Variants in PLEKHA3 observed in about 807,000 individuals in gnomAD.
PLEKHA3 encodes pleckstrin homology domain containing A3, also known as pleckstrin homology domain-containing family A member 3.
A neutral mutation model predicts 39.2 loss-of-function variants in PLEKHA3; 19 were observed. The ratio of observed to expected loss-of-function variants is 0.48; its 90% CI spans 0.34 to 0.71. The LOEUF (loss-of-function observed/expected upper bound fraction) is 0.71. PLEKHA3 is among the 30% of genes least tolerant of loss of function. PLEKHA3 has a pLI of 0.01. For synonymous variants in PLEKHA3, 97 were observed against 118.6 expected (o/e 0.82, Z 1.18); for missense variants, 253 against 359.5 (o/e 0.70, Z 2.40).
chr2:178,503,643 T>G, intron 7 of PLEKHA3, 117 bp from the exon 8 acceptor site: 1 of 1,089,556 alleles, frequency 9.2e-7, no homozygotes, highest in Non-Finnish European at 1.3e-6. Context: ...AAATACAAAA[T>G]TAGCCAGAAG....
At position 178,503,912 on chromosome 2, in the gene PLEKHA3, C is replaced by CT. The variant is rs1046998638; in HGVS notation, c.*26dup. The CT allele has an allele frequency of 2.5e-6, 4 of 1,608,408 alleles. No individual in the cohort carries two copies. The highest frequency in any genetic ancestry group is 2.6e-6 in the Non-Finnish European group (3 of 1,176,224). ...AAGAAACTGAAGTGTCCAACTTCCT[C>CT]TAAGTATTGCTATGCAAAAGCTGCT... On this transcript the variant is annotated 3_prime_UTR_variant, in exon 8 of 8. Transcript: ENST00000234453.
chr2:178,486,394 G>C (rs1234054240), intron 2 of PLEKHA3, among the ~76,000 whole-genome samples: 1 of 152,176 alleles, frequency 6.6e-6, no homozygotes, highest in Admixed American at 6.5e-5. Flanking sequence ...TCTTCAAAGA[G>C]AGTGAAGGAA....
chr2:178,488,784 T>A (rs1685298042), intron 2 of PLEKHA3, among the ~76,000 whole-genome samples: 1 of 152,252 alleles, frequency 6.6e-6, no homozygotes, highest in African/African-American at 2.4e-5. Flanking sequence ...GGAATTGTGT[T>A]GAATCTACAG....
intron 2 of PLEKHA3, among the ~76,000 whole-genome samples, chr2:178,487,898 G>A (rs1344236575): frequency 2.0e-5 from 3 of 152,176 alleles, no homozygotes; most frequent in Non-Finnish European, 2.9e-5. Flanking sequence ...TCTGGTGTTT[G>A]TAGTGGTATC....
chr2:178,503,405 C>A (rs1472445953), intron 7 of PLEKHA3, among the ~76,000 whole-genome samples: 1 of 151,880 alleles, frequency 6.6e-6, no homozygotes, highest in Non-Finnish European at 1.5e-5. Flanking sequence ...ATATTAACAG[C>A]ATTAAAATAG....
rs774903642 is a variant in PLEKHA3, at chr2:178,495,659, T to A, written c.614T>A (p.Met205Lys). 1 of 1,589,258 alleles carries A rather than the reference T, an allele frequency of 6.3e-7. No homozygotes were observed. The highest frequency in any genetic ancestry group is 2.3e-5 in the East Asian group (1 of 44,400). The part of the protein sequence containing the change: ...VSPVSPSPVQ[M>K]MKRSVSHPGS... ...CCTGTGTCACCTTCTCCTGTTCAAATGGTTTGAACTTCTTGTTTTGGTTTT... is the reference window on the plus strand; with the variant it reads ...CCTGTGTCACCTTCTCCTGTTCAAAAGGTTTGAACTTCTTGTTTTGGTTTT... Residue 205 changes from methionine (M) to lysine (K), a missense_variant and splice_region_variant, in exon 5 of 8, where the codon ATG becomes AAG. Physicochemically the swap from Met to Lys is moderately conservative, Grantham distance 95. Coordinates refer to ENST00000234453, the MANE Select transcript of PLEKHA3 (RefSeq NM_019091.4).
At position 178,514,173 on chromosome 2, in the gene PLEKHA3, TGACCATGG is replaced by T; in HGVS notation, c.*10287_*10294del. The stretch of plus-strand genomic sequence containing the variant: ...GCACACTTACTGTGGTTTACCATCA[TGACCATGG>T]ATAGCAAACTGCCTTTTTTTTTTTT... On this transcript the variant is annotated 3_prime_UTR_variant, in exon 8 of 8. Transcript: ENST00000234453. The T allele has an allele frequency of 6.6e-6, 1 of 151,986 alleles. No individual in the cohort carries two copies. The highest frequency in any genetic ancestry group is 2.4e-5 in the African/African-American group (1 of 41,458). The allele number at this position is 151,986 out of a possible 1,614,324, so 9.4% of individuals were successfully genotyped here.
chr2:178,483,507 A>G (rs1279842599), intron 1 of PLEKHA3, among the ~76,000 whole-genome samples: 1 of 152,132 alleles, frequency 6.6e-6, no homozygotes, highest in African/African-American at 2.4e-5. Context: ...GTGTTCAACC[A>G]CTCACCTTTC....
rs541149581 is a variant in PLEKHA3, at chr2:178,512,522, A to T, written c.*8635A>T. 5 of 152,392 alleles carry T rather than the reference A, an allele frequency of 3.3e-5. No individual in the cohort carries two copies. In the South Asian group the frequency reaches 1.0e-3, roughly 32 times the overall value. 9.4% of individuals were successfully genotyped at this position (152,392 alleles called of 1,614,324 possible). A position where few individuals can be genotyped will look rare whatever the true frequency, so the allele number is the denominator to read the frequency against. On this transcript the variant is annotated 3_prime_UTR_variant, in exon 8 of 8. Coordinates refer to ENST00000234453, the MANE Select transcript of PLEKHA3 (RefSeq NM_019091.4). ...AAGACTTTTACTCACTTAAATCTCA[A>T]TATAAAGTATATTGCCAGATCTGGC...
chr2:178,485,184 T>C (rs973194221), intron 1 of PLEKHA3, among the ~76,000 whole-genome samples: 1 of 152,238 alleles, frequency 6.6e-6, no homozygotes, highest in African/African-American at 2.4e-5. Context: ...TAGAGATTTA[T>C]TGAAATGAAA....
chr2:178,514,091 A>AT lies in PLEKHA3; in HGVS notation c.*10213dup, dbSNP rs60766079. 16,630 of 150,154 alleles carry AT rather than the reference A, an allele frequency of 0.11. 1,335 individuals carry two copies. Among genetic ancestry groups the AT allele is most frequent in the Non-Finnish European group, 0.16 (10,696 of 67,514 alleles). 9.3% of individuals were successfully genotyped at this position (150,154 alleles called of 1,614,324 possible). On this transcript the variant is annotated 3_prime_UTR_variant, in exon 8 of 8. Coordinates refer to ENST00000234453, the MANE Select transcript of PLEKHA3 (RefSeq NM_019091.4). ...ACAGCTCTCATTTAGCTTATTATTGATTTTTTTTTCTTGTTTTGCAGTTGT... is the reference window on the plus strand; with the variant it reads ...ACAGCTCTCATTTAGCTTATTATTGATTTTTTTTTTCTTGTTTTGCAGTTGT...
intron 3 of PLEKHA3, among the ~76,000 whole-genome samples, chr2:178,492,950 A>G (rs1250071685): frequency 6.6e-6 from 1 of 152,206 alleles, no homozygotes; most frequent in Non-Finnish European, 1.5e-5. Context: ...TTTAAAAAGG[A>G]GAAAGAATAG....
rs1159704317 is a variant in PLEKHA3, at chr2:178,480,476, C to T, written c.-394C>T. ...CCTTTCATCCAGGAAGTGAAATCGA[C>T]GTCGGGGTCAATGAAAACAAACGGG... On this transcript the variant is annotated 5_prime_UTR_variant, in exon 1 of 8. It adds an upstream start codon to the 5' untranslated region. Transcript: ENST00000234453. 1.3e-5 allele frequency: 2 copies of T among 158,012 alleles called. No individual in the cohort carries two copies. Among genetic ancestry groups the T allele is most frequent in the East Asian group, 1.8e-4 (1 of 5,552 alleles). The allele number at this position is 158,012 out of a possible 1,614,324, so 9.8% of individuals were successfully genotyped here.
Position 178,503,991 on chromosome 2 carries a change from T to C in PLEKHA3, c.*104T>C, listed in dbSNP as rs530798936. Reference sequence around the variant, plus strand: ...TTTTTTCCCTTAGGACTCTGCACTTTATAGAATGTTGTAAAACAGACAAAC... The same window carrying C: ...TTTTTTCCCTTAGGACTCTGCACTTCATAGAATGTTGTAAAACAGACAAAC... On this transcript the variant is annotated 3_prime_UTR_variant, in exon 8 of 8. Transcript: ENST00000234453. 5.7e-6 allele frequency: 7 copies of C among 1,227,928 alleles called. No homozygotes were observed. In the South Asian group the frequency reaches 6.0e-5, roughly 11 times the overall value. 76.1% of individuals were successfully genotyped at this position (1,227,928 alleles called of 1,614,324 possible). A position where few individuals can be genotyped will look rare whatever the true frequency, so the allele number is the denominator to read the frequency against.
At chr2:178,488,848 ACT>A (rs1286349331) in intron 2 of PLEKHA3, 1 of 318,460 alleles carries the variant, frequency 3.1e-6, no homozygotes, top group African/African-American at 2.2e-5. Context: ...TGTTCCATTA[ACT>A]CTGTTTAATT....
intron 5 of PLEKHA3, among the ~76,000 whole-genome samples, chr2:178,498,175 G>A (rs1269334325): frequency 6.6e-6 from 1 of 152,096 alleles, no homozygotes; most frequent in East Asian, 1.9e-4. Context: ...ACCATCACTG[G>A]ACCTACAGAT....
At chr2:178,490,002 A>C (rs1685318805) in intron 2 of PLEKHA3, among the ~76,000 whole-genome samples, 1 of 152,202 alleles carries the variant, frequency 6.6e-6, no homozygotes, top group South Asian at 2.1e-4. Flanking sequence ...TTTGTTGATG[A>C]ATGACAGCTT....
intron 4 of PLEKHA3, among the ~76,000 whole-genome samples, chr2:178,494,633 G>A (rs965780859): frequency 6.6e-6 from 1 of 152,100 alleles, no homozygotes. Context: ...AGGACAAACT[G>A]ACCACAAGCT....
Position 178,495,628 on chromosome 2 carries a change from G to A in PLEKHA3, c.583G>A (p.Val195Ile), listed in dbSNP as rs1267678164. The A allele has an allele frequency of 6.2e-7, 1 of 1,612,550 alleles. No individual in the cohort carries two copies. Among genetic ancestry groups the A allele is most frequent in the Non-Finnish European group, 8.5e-7 (1 of 1,179,160 alleles). Residue 195 changes from valine (V) to isoleucine (I), a missense_variant, in exon 5 of 8, where the codon GTT (valine) becomes ATT (isoleucine). Transcript: ENST00000234453. Reference protein sequence around the residue: ...MFQLHHPDPLVSPVSPSPVQM... With the variant: ...MFQLHHPDPLISPVSPSPVQM... The stretch of plus-strand genomic sequence containing the variant: ...TCAACTGCACCATCCGGATCCCTTA[G>A]TTTCTCCTGTGTCACCTTCTCCTGT...
Sources: allele counts gnomAD v4.1 joint callset (sites outside exome capture counted in the v4.1 genomes callset), GRCh38; gene constraint gnomAD v4.1.1; transcripts MANE v1.5; gene names NCBI Gene and HGNC (gene_info 2026-07-23, HGNC 2026-07-21).